The following LCORL variants were observed in gnomAD, a reference collection of about 807,000 sequenced individuals.
LCORL encodes ligand-dependent nuclear receptor corepressor-like protein.
In LCORL, 41 loss-of-function variants were observed where a neutral mutation model predicts 141.8. The ratio of observed to expected loss-of-function variants is 0.29; its 90% CI spans 0.23 to 0.38. LCORL has a LOEUF of 0.38. Ranked by LOEUF, LCORL falls within the 10% of genes least tolerant of loss-of-function variation. LCORL has a pLI of 1.00. For missense variants in LCORL, 1,759 were observed against 2,035.0 expected (o/e 0.86, Z 2.61); for synonymous variants, 618 against 694.1 (o/e 0.89, Z 1.72).
At position 17,896,249 on chromosome 4, in the gene LCORL, T is replaced by G. The variant is rs142351891; in HGVS notation, c.683-10088A>C. Among the ~76,000 whole-genome samples, 10 of 152,168 alleles carry G rather than the reference T, an allele frequency of 6.6e-5. No individual in the cohort carries two copies. In the East Asian group the frequency reaches 1.9e-3, roughly 29 times the overall value. On this transcript the variant is annotated intron_variant, in intron 5 of 7. Transcript: ENST00000635767. ...CCCTAGTGGATGTGAAACAATGTCT[T>G]TCTTTCTTTCTTTTCTCCTCTCCTT...
At chr4:17,987,788 G>A (rs1244007188) in intron 1 of LCORL, among the ~76,000 whole-genome samples, 1 of 152,138 alleles carries the variant, frequency 6.6e-6, no homozygotes, top group Non-Finnish European at 1.5e-5. Context: ...TAAGTTCCTT[G>A]GTGAAATGTC....
Position 17,977,965 on chromosome 4 carries a change from A to G in LCORL, c.155-5080T>C, listed in dbSNP as rs139747721. Reference sequence around the variant, plus strand: ...ATCTTTTTTTTGTTTCTGTATTGGTATCTATTTGATGCAGCAAACTATTTG... The same window carrying G: ...ATCTTTTTTTTGTTTCTGTATTGGTGTCTATTTGATGCAGCAAACTATTTG... On this transcript the variant is annotated intron_variant, in intron 1 of 7. Coordinates refer to ENST00000635767, the Ensembl canonical transcript of LCORL. Among the ~76,000 whole-genome samples the G allele has an allele frequency of 5.3e-3, 807 of 152,172 alleles. 10 individuals are homozygous for G. In the Middle Eastern group the frequency reaches 0.075, roughly 14 times the overall value.
At chr4:17,974,531 A>C (rs772032529) in intron 1 of LCORL, among the ~76,000 whole-genome samples, 1 of 152,152 alleles carries the variant, frequency 6.6e-6, no homozygotes, top group Non-Finnish European at 1.5e-5. Flanking sequence ...CCATCAACTC[A>C]AATGGTACCC....
At chr4:17,950,862 A>G (rs1739611457) in intron 4 of LCORL, among the ~76,000 whole-genome samples, 1 of 152,230 alleles carries the variant, frequency 6.6e-6, no homozygotes, top group African/African-American at 2.4e-5. Flanking sequence ...TGATCATGAC[A>G]GGAGAAGACT....
chr4:17,878,481 T>C lies in LCORL; in HGVS notation c.777-268A>G, dbSNP rs193135854. 4.0e-4 allele frequency among the ~76,000 whole-genome samples: 61 copies of C among 151,570 alleles called. 2 individuals are homozygous for C. The East Asian group carries it at 0.011, about 28-fold the overall frequency. ...TTATACATATGATTACATTTATATA[T>C]TGTCTGTTTTTAATGTATTAAGAAT... On this transcript the variant is annotated intron_variant, in intron 6 of 7. Transcript: ENST00000635767.
chr4:17,866,688 CT>C (rs1725703087), intron 7 of LCORL, among the ~76,000 whole-genome samples: 1 of 152,078 alleles, frequency 6.6e-6, no homozygotes, highest in Non-Finnish European at 1.5e-5. Context: ...GACACCTACC[CT>C]TGCCTTTTTT....
intron 1 of LCORL, among the ~76,000 whole-genome samples, chr4:18,012,049 T>C (rs570216718): frequency 6.6e-6 from 1 of 152,348 alleles, no homozygotes; most frequent in East Asian, 1.9e-4. Flanking sequence ...GTTCCTGTCT[T>C]TTCCATAAAA....
chr4:17,873,750 G>A, exon 7 of LCORL: 1 of 1,233,912 alleles, frequency 8.1e-7, no homozygotes, highest in Non-Finnish European at 1.0e-6. Context: ...GTAAATGATT[G>A]TATTTAGCTT....
At chr4:17,882,443 T>C (rs1016442985) in intron 6 of LCORL, 6 of 984,670 alleles carry the variant, frequency 6.1e-6, no homozygotes, top group Non-Finnish European at 7.2e-6. Flanking sequence ...CTTTGACCCA[T>C]ATTTTAAAAC....
At chr4:18,016,450 T>C (rs1051624825) in intron 1 of LCORL, among the ~76,000 whole-genome samples, 2 of 152,164 alleles carry the variant, frequency 1.3e-5, no homozygotes, top group Admixed American at 6.5e-5. Flanking sequence ...GTTTGGTTAT[T>C]ATTAACAGGC....
exon 8 of LCORL, chr4:17,843,239 A>C: frequency 6.5e-7 from 1 of 1,538,376 alleles, no homozygotes; most frequent in Non-Finnish European, 8.8e-7. Context: ...AAAAAGTTTT[A>C]TTTATAAATA....
At chr4:17,929,947 C>T (rs1560359567) in intron 4 of LCORL, among the ~76,000 whole-genome samples, 2 of 152,114 alleles carry the variant, frequency 1.3e-5, no homozygotes, top group Admixed American at 6.6e-5. Flanking sequence ...GGCAAATGAT[C>T]TGAACAGACA....
rs1577561014 is a variant in LCORL, at chr4:17,962,486, T to C, written c.301-454A>G. Among the ~76,000 whole-genome samples, 3 of 152,140 alleles carry C rather than the reference T, an allele frequency of 2.0e-5. No homozygotes were observed. The South Asian group carries it at 6.2e-4, about 32-fold the overall frequency. Reference sequence around the variant, plus strand: ...ACACAAGAAGATGCTGGTTGCATAGTTTATGCCCCGTATACAGTAGACACT... The same window carrying C: ...ACACAAGAAGATGCTGGTTGCATAGCTTATGCCCCGTATACAGTAGACACT... On this transcript the variant is annotated intron_variant, in intron 3 of 7. Coordinates refer to ENST00000635767, the Ensembl canonical transcript of LCORL.
chr4:18,004,522 C>G (rs1034812266), intron 1 of LCORL, among the ~76,000 whole-genome samples: 6 of 152,122 alleles, frequency 3.9e-5, no homozygotes, highest in African/African-American at 1.4e-4. Flanking sequence ...AAGACCCACT[C>G]CCATAATCCA....
rs1289868385 is a variant in LCORL, at chr4:17,912,422, A to G, written c.431-3077T>C. 4 of 607,648 alleles carry G rather than the reference A, an allele frequency of 6.6e-6. No individual in the cohort carries two copies. The East Asian group carries it at 1.1e-4, about 17-fold the overall frequency. The allele number at this position is 607,648 out of a possible 1,614,324, so 37.6% of individuals were successfully genotyped here. A position where few individuals can be genotyped will look rare whatever the true frequency, so the allele number is the denominator to read the frequency against. On this transcript the variant is annotated intron_variant, in intron 4 of 7. Coordinates refer to ENST00000635767, the Ensembl canonical transcript of LCORL. ...GCGGAGGTAGATGCCACTAAATCTC[A>G]GGACCTTGCCAAGATCATGGCAGAC...
intron 4 of LCORL, among the ~76,000 whole-genome samples, chr4:17,913,709 G>A (rs1288541714): frequency 3.3e-5 from 5 of 152,166 alleles, no homozygotes; most frequent in Admixed American, 2.0e-4. Flanking sequence ...GAGTTATGAT[G>A]GGAAATCATC....
chr4:17,895,938 T>G (rs1363973790), intron 5 of LCORL, among the ~76,000 whole-genome samples: 1 of 152,210 alleles, frequency 6.6e-6, no homozygotes, highest in East Asian at 1.9e-4. Context: ...TATCCTTTCT[T>G]CAGTTAATGG....
At chr4:17,863,406 T>C (rs1404903046) in intron 7 of LCORL, among the ~76,000 whole-genome samples, 1 of 152,126 alleles carries the variant, frequency 6.6e-6, no homozygotes, top group East Asian at 1.9e-4. Context: ...TCAATATCAC[T>C]AATCATTAGA....
At chr4:17,991,130 T>A (rs975406058) in intron 1 of LCORL, among the ~76,000 whole-genome samples, 1 of 152,110 alleles carries the variant, frequency 6.6e-6, no homozygotes, top group Non-Finnish European at 1.5e-5. Context: ...AAAAGATGAA[T>A]AAAAGAATTT....
Sources: allele counts gnomAD v4.1 joint callset (sites outside exome capture counted in the v4.1 genomes callset), GRCh38; gene constraint gnomAD v4.1.1; transcripts MANE v1.5; gene names NCBI Gene and HGNC (gene_info 2026-07-23, HGNC 2026-07-21).